The following LSS variants were observed in gnomAD, a reference collection of about 807,000 sequenced individuals.
LSS encodes lanosterol synthase.
In LSS, 90 loss-of-function variants were observed where a neutral mutation model predicts 110.3. The observed-to-expected ratio is 0.82, with a 90% confidence interval of 0.69 to 0.97. LSS has a LOEUF of 0.97. Ranked by LOEUF, LSS falls within the 50% of genes least tolerant of loss-of-function variation. The probability of loss-of-function intolerance (pLI) is 0.00; values close to 1 mark genes in which losing one functional copy is unlikely to be tolerated. For synonymous variants in LSS, 433 were observed against 400.0 expected, an observed-to-expected ratio of 1.08 and a Z score of -0.98; for missense variants, 927 against 990.0, an observed-to-expected ratio of 0.94 and a Z score of 0.85.
intron 16 of LSS, 30 bp downstream of exon 16, chr21:46,206,642 T>G (rs1341739106): frequency 6.3e-7 from 1 of 1,585,840 alleles, no homozygotes; most frequent in African/African-American, 1.3e-5. Flanking sequence ...GCCCCGGGTT[T>G]GCGCGCCGCA....
chr21:46,216,989 G>A lies in LSS; in HGVS notation c.648-465C>T, dbSNP rs916257511. On this transcript the variant is annotated intron_variant, in intron 6 of 21. Transcript: ENST00000397728. This position sits in a 1 kb window ranked among gnomAD's most constrained non-coding sequence, Gnocchi z 4.2. The stretch of plus-strand genomic sequence containing the variant: ...AGGAGGGGCACGGTGGCTCACGCCT[G>A]TAACCCTAGCACTTTGGGAGGCCGA... Among the ~76,000 whole-genome samples the A allele has an allele frequency of 6.6e-6, 1 of 152,180 alleles. No individual in the cohort carries two copies. The highest frequency in any genetic ancestry group is 1.5e-5 in the Non-Finnish European group (1 of 68,022).
chr21:46,197,536 T>C (rs1249029641), intron 17 of LSS, among the ~76,000 whole-genome samples: 1 of 152,142 alleles, frequency 6.6e-6, no homozygotes, highest in East Asian at 1.9e-4. Context: ...AAATAAGATA[T>C]GGAAAAGTGA....
chr21:46,197,177 A>C (rs968349351), intron 17 of LSS, among the ~76,000 whole-genome samples: 1 of 152,282 alleles, frequency 6.6e-6, no homozygotes, highest in African/African-American at 2.4e-5. Flanking sequence ...ACAAATAGTC[A>C]AAGTACAAAT....
Position 46,218,744 on chromosome 21 carries a change from T to G in LSS, c.647+732A>C, listed in dbSNP as rs2080238296. The stretch of plus-strand genomic sequence containing the variant: ...ACACTGATCTTTTTTTTTTTTTTTT[T>G]GAGACAGAGTCTCACTCCGTCGCCA... On this transcript the variant is annotated intron_variant, in intron 6 of 21. Transcript: ENST00000397728. 6.0e-5 allele frequency among the ~76,000 whole-genome samples: 9 copies of G among 150,960 alleles called. No homozygotes were observed. The South Asian group carries it at 1.9e-3, about 32-fold the overall frequency.
intron 12 of LSS, among the ~76,000 whole-genome samples, chr21:46,210,063 C>CTTTTTTT (rs71318051): frequency 4.6e-5 from 5 of 107,588 alleles, no homozygotes; most frequent in African/African-American, 7.4e-5. Context: ...AGTTCCAGTT[C>CTTTTTTT]TTTTTTTTTT....
intron 5 of LSS, chr21:46,221,632 G>A (rs1475763114): frequency 5.1e-6 from 3 of 586,472 alleles, no homozygotes; most frequent in Non-Finnish European, 8.9e-6. Flanking sequence ...TGCTGGAATT[G>A]CAGGCGTGAG....
chr21:46,206,638 G>C (rs770108204), intron 16 of LSS, 34 bp downstream of exon 16: 1 of 1,573,678 alleles, frequency 6.4e-7, no homozygotes, highest in Non-Finnish European at 8.7e-7. Context: ...GCCAGCCCCG[G>C]GTTTGCGCGC....
chr21:46,205,564 C>T lies in LSS; in HGVS notation c.1670+272G>A, dbSNP rs116729392. Among the ~76,000 whole-genome samples, 245 of 152,310 alleles carry T rather than the reference C, an allele frequency of 1.6e-3. 1 individual carries two copies. Among genetic ancestry groups the T allele is most frequent in the African/African-American group, 5.6e-3 (233 of 41,562 alleles). On this transcript the variant is annotated intron_variant, in intron 17 of 21. Coordinates refer to ENST00000397728, the MANE Select transcript of LSS (RefSeq NM_002340.6). ...TACTTAAAAACCGTTTCTGGGACAC[C>T]GGTGGAGTCAGGTATGTGATGTCTT... is the stretch of plus-strand genomic sequence containing the variant.
intron 19 of LSS, 136 bp from the exon 20 acceptor site, chr21:46,194,797 C>T: frequency 1.3e-6 from 1 of 780,558 alleles, no homozygotes. Context: ...GGCCATGGGC[C>T]ACTACTGAAA....
At chr21:46,208,797 A>G (rs11089053) in intron 13 of LSS, among the ~76,000 whole-genome samples, 130,574 of 152,240 alleles carry the variant, frequency 0.86, 56,601 homozygotes, top group African/African-American at 0.93. Flanking sequence ...GGAGCAGGCC[A>G]CCATTGGGCC....
rs939674687 is a variant in LSS, at chr21:46,205,236, C to T, written c.1670+600G>A. The stretch of plus-strand genomic sequence containing the variant: ...GGATAGCGCGGCATCTGTGTTCAAC[C>T]GAAGGCCCGAGGGAGAGAACGCTGC... On this transcript the variant is annotated intron_variant, in intron 17 of 21. Transcript: ENST00000397728. Among the ~76,000 whole-genome samples, 7 of 152,166 alleles carry T rather than the reference C, an allele frequency of 4.6e-5. No individual in the cohort carries two copies. In the East Asian group the frequency reaches 5.8e-4, roughly 13 times the overall value.
chr21:46,224,325 T>C (rs1360226204), intron 3 of LSS, among the ~76,000 whole-genome samples: 2 of 152,152 alleles, frequency 1.3e-5, no homozygotes, highest in Non-Finnish European at 2.9e-5. Context: ...ATCCAATAAA[T>C]AACAGCACAG....
intron 6 of LSS, among the ~76,000 whole-genome samples, chr21:46,217,855 G>A (rs541966205): frequency 8.5e-5 from 13 of 152,160 alleles, no homozygotes; most frequent in African/African-American, 3.1e-4. Flanking sequence ...GCGGGCATTT[G>A]AATGGCCCCA....
intron 3 of LSS, among the ~76,000 whole-genome samples, chr21:46,223,367 C>T (rs572906036): frequency 6.6e-6 from 1 of 152,266 alleles, no homozygotes; most frequent in Admixed American, 6.5e-5. Flanking sequence ...TGCTTGGTTC[C>T]ATCAGCCATG....
rs1312624156 is a variant in LSS at position 46,205,954 on chromosome 21, G to A, written c.1565-13C>T. On this transcript the variant is annotated splice_polypyrimidine_tract_variant and intron_variant, in intron 16 of 21. Coordinates refer to ENST00000397728, the MANE Select transcript of LSS (RefSeq NM_002340.6). ...ATCATGATGTCCCCTGGGAAAGGGAGGGAAGAACCAAGTGTTGGGTTTCAC... is the reference window on the plus strand; with the variant it reads ...ATCATGATGTCCCCTGGGAAAGGGAAGGAAGAACCAAGTGTTGGGTTTCAC... The A allele has an allele frequency of 6.3e-7, 1 of 1,581,674 alleles. No homozygotes were observed. The highest frequency in any genetic ancestry group is 2.3e-5 in the East Asian group (1 of 44,422).
intron 20 of LSS, 23 bp downstream of exon 20, chr21:46,194,468 A>G: frequency 6.2e-7 from 1 of 1,611,732 alleles, no homozygotes; most frequent in Non-Finnish European, 8.5e-7. Context: ...CCCAAGGCTC[A>G]GGGACGGTCC....
chr21:46,214,251 T>C (rs944159724), intron 9 of LSS, among the ~76,000 whole-genome samples: 3 of 152,242 alleles, frequency 2.0e-5, no homozygotes, highest in African/African-American at 7.2e-5. Flanking sequence ...GCCCCCCTTC[T>C]TCCTCAGAAC....
rs2079775285 is a variant in LSS, at chr21:46,189,571, C to T, written c.*1533G>A. 5 of 433,862 alleles carry T rather than the reference C, an allele frequency of 1.2e-5. No homozygotes were observed. Among genetic ancestry groups the T allele is most frequent in the East Asian group, 7.0e-5 (1 of 14,226 alleles). The allele number at this position is 433,862 out of a possible 1,614,324, so 26.9% of individuals were successfully genotyped here. On this transcript the variant is annotated 3_prime_UTR_variant, in exon 22 of 22. Coordinates refer to ENST00000397728, the MANE Select transcript of LSS (RefSeq NM_002340.6). The stretch of plus-strand genomic sequence containing the variant: ...GCTGGACAGAAGACCCCAGAGGGTG[C>T]GGCACCTGGGTGAGAGCCCTGGACT...
Position 46,206,664 on chromosome 21 carries a change from C to G in LSS, c.1564+8G>C. 6.2e-7 allele frequency: 1 copy of G among 1,610,652 alleles called. No homozygotes were observed. Among genetic ancestry groups the G allele is most frequent in the African/African-American group, 1.3e-5 (1 of 75,002 alleles). On this transcript the variant is annotated splice_region_variant and intron_variant, in intron 16 of 21. Coordinates refer to ENST00000397728, the MANE Select transcript of LSS (RefSeq NM_002340.6). ...GTTTGCGCGCCGCAGTGCTGGCCGA[C>G]CACTCACCGAAGACCTCCGAGGGGT...
Sources: allele counts gnomAD v4.1 joint callset (sites outside exome capture counted in the v4.1 genomes callset), GRCh38; gene constraint gnomAD v4.1.1; non-coding constraint Gnocchi (gnomAD v3.1); transcripts MANE v1.5; gene names NCBI Gene and HGNC (gene_info 2026-07-23, HGNC 2026-07-21).